ZNF444: variants seen among roughly 807,000 people sequenced by gnomAD.
The protein encoded by ZNF444 is endothelial zinc finger protein 2.
A neutral mutation model predicts 14.4 loss-of-function variants in ZNF444; 8 were observed. The ratio of observed to expected loss-of-function variants is 0.56; its 90% CI spans 0.33 to 1.00. The LOEUF is 1.00. Among genes scored for constraint, ZNF444 ranks in the 50% least tolerant of loss-of-function variants. The pLI is 0.03. For missense variants in ZNF444, 510 were observed against 504.8 expected (o/e 1.01, Z -0.10); for synonymous variants, 258 against 235.9 (o/e 1.09, Z -0.86).
At position 56,147,466 on chromosome 19, in the gene ZNF444, C is replaced by A. The variant is rs915681474; in HGVS notation, c.297+258C>A. On this transcript the variant is annotated intron_variant, in intron 3 of 4. Coordinates refer to ENST00000337080, the MANE Select transcript of ZNF444 (RefSeq NM_018337.4). This position sits in a 1 kb window ranked among gnomAD's most constrained non-coding sequence, Gnocchi z 5.9. ...TCTCTAGGACTCACAGCCGTGTTCACGGTCACGGCTTATCAGAGAAGGACG... is the reference window on the plus strand; with the variant it reads ...TCTCTAGGACTCACAGCCGTGTTCAAGGTCACGGCTTATCAGAGAAGGACG... Among the ~76,000 whole-genome samples, 2 of 152,278 alleles carry A rather than the reference C, an allele frequency of 1.3e-5. No individual in the cohort carries two copies. Among genetic ancestry groups the A allele is most frequent in the Admixed American group, 1.3e-4 (2 of 15,298 alleles).
At position 56,160,168 on chromosome 19, in the gene ZNF444, T is replaced by C; in HGVS notation, c.951T>C (p.Gly317=). 6.8e-7 allele frequency: 1 copy of C among 1,476,198 alleles called. No individual in the cohort carries two copies. The highest frequency in any genetic ancestry group is 2.8e-5 in the East Asian group (1 of 35,726). 91.4% of individuals were successfully genotyped at this position (1,476,198 alleles called of 1,614,324 possible). The change falls in exon 5 of 5, where the codon GGT becomes GGC. Residue 317 remains glycine (G), a synonymous_variant. Coordinates refer to ENST00000337080, the MANE Select transcript of ZNF444 (RefSeq NM_018337.4). ...GGGCGGTAGCTCCGGGCCCGGATGGTGGAGGCCCCTTCCCGCCCTGGCCCT... is the reference window on the plus strand; with the variant it reads ...GGGCGGTAGCTCCGGGCCCGGATGGCGGAGGCCCCTTCCCGCCCTGGCCCT... ...AQGAVAPGPD[G]GGPFPPWPLG
intron 3 of ZNF444, among the ~76,000 whole-genome samples, chr19:56,148,687 G>A (rs149046741): frequency 6.6e-5 from 10 of 152,188 alleles, no homozygotes; most frequent in African/African-American, 1.9e-4. Context: ...CCCTCCTTCC[G>A]GGTCATTGTT....
chr19:56,159,919 C>A lies in ZNF444; in HGVS notation c.702C>A (p.Gly234=). The A allele has an allele frequency of 6.8e-7, 1 of 1,467,226 alleles. No individual in the cohort carries two copies. Among genetic ancestry groups the A allele is most frequent in the Non-Finnish European group, 9.1e-7 (1 of 1,103,400 alleles). 90.9% of individuals were successfully genotyped at this position (1,467,226 alleles called of 1,614,324 possible). The change falls in exon 5 of 5, where the codon GGC becomes GGA. Residue 234 remains glycine (G), a synonymous_variant. Transcript: ENST00000337080. ...GCGACACGCACCCCGGCAGCCCCGG[C>A]AGCCCCGGGCCCGCGCTGCGCCCTC... ...RHRDTHPGSP[G]SPGPALRPLP... is the part of the protein sequence containing the mutation.
intron 3 of ZNF444, chr19:56,154,521 C>CT (rs1369515111): frequency 6.6e-5 from 10 of 152,190 alleles, no homozygotes; most frequent in African/African-American, 2.4e-4. Flanking sequence ...CCAGGCTGGT[C>CT]CCTTTTACAC....
At chr19:56,146,826 G>A in intron 2 of ZNF444, 64 bp from the exon 3 acceptor site, 1 of 1,201,322 alleles carries the variant, frequency 8.3e-7, no homozygotes, top group South Asian at 2.3e-5. Context: ...TGGTCCCATT[G>A]TGAGTCTGGG....
chr19:56,135,135 G>A (rs934029502), intron 1 of ZNF444, among the ~76,000 whole-genome samples: 3 of 152,162 alleles, frequency 2.0e-5, no homozygotes, highest in African/African-American at 7.2e-5. Context: ...GGAGGCTGAG[G>A]CAGGAGAATG....
upstream of ZNF444, among the ~76,000 whole-genome samples, chr19:56,138,292 C>T (rs551753942): frequency 4.6e-5 from 7 of 152,110 alleles, no homozygotes; most frequent in East Asian, 1.2e-3. Context: ...AAAACAAATA[C>T]GGTATGATTC....
At chr19:56,153,112 G>C (rs954143614) in intron 3 of ZNF444, among the ~76,000 whole-genome samples, 1 of 152,120 alleles carries the variant, frequency 6.6e-6, no homozygotes, top group Non-Finnish European at 1.5e-5. Context: ...CAATAAGAGA[G>C]AGCCCGTCAT....
rs545531147 is a variant in ZNF444 at position 56,145,672 on chromosome 19, G to A, written c.-196-575G>A. On this transcript the variant is annotated intron_variant, in intron 1 of 4. Transcript: ENST00000337080. This position sits in a 1 kb window ranked among gnomAD's most constrained non-coding sequence, Gnocchi z 4.3. ...CCATGGGAGGACACAAAAGGAGGCCGTCGGCAGCCTGGAAGAGGTGCTCAC... is the reference window on the plus strand; with the variant it reads ...CCATGGGAGGACACAAAAGGAGGCCATCGGCAGCCTGGAAGAGGTGCTCAC... Among the ~76,000 whole-genome samples the A allele has an allele frequency of 9.6e-4, 146 of 152,288 alleles. No homozygotes were observed. The highest frequency in any genetic ancestry group is 3.4e-3 in the African/African-American group (140 of 41,562).
At chr19:56,158,683 AC>A in intron 4 of ZNF444, 81 bp downstream of exon 4, 1 of 1,279,756 alleles carries the variant, frequency 7.8e-7, no homozygotes, top group Non-Finnish European at 1.1e-6. Flanking sequence ...TGGCACCAGG[AC>A]CCAGGACAAG....
upstream of ZNF444, among the ~76,000 whole-genome samples, chr19:56,137,939 T>C (rs969176156): frequency 1.3e-5 from 2 of 151,930 alleles, no homozygotes; most frequent in Admixed American, 1.3e-4. Flanking sequence ...CTGGCCAACA[T>C]GGTGAAACCC....
At position 56,160,323 on chromosome 19, in the gene ZNF444, G is replaced by T. The variant is rs10407167; in HGVS notation, c.*122G>T. On this transcript the variant is annotated 3_prime_UTR_variant, in exon 5 of 5. Coordinates refer to ENST00000337080, the MANE Select transcript of ZNF444 (RefSeq NM_018337.4). ...CCTCCCATCGTCCTCCTCCACCTGC[G>T]CCTCCCTTGTCTGAACTTCCCAACG... 23 of 775,198 alleles carry T rather than the reference G, an allele frequency of 3.0e-5. No individual in the cohort carries two copies. Among genetic ancestry groups the T allele is most frequent in the Non-Finnish European group, 4.1e-5 (22 of 532,302 alleles). 48.0% of individuals were successfully genotyped at this position (775,198 alleles called of 1,614,324 possible). A position where few individuals can be genotyped will look rare whatever the true frequency, so the allele number is the denominator to read the frequency against.
chr19:56,137,259 T>C (rs1281608015), upstream of ZNF444, among the ~76,000 whole-genome samples: 1 of 150,402 alleles, frequency 6.6e-6, no homozygotes. Context: ...TTACCTGAGG[T>C]CAGGAGTTTG....
intron 3 of ZNF444, among the ~76,000 whole-genome samples, chr19:56,149,470 G>A (rs548396647): frequency 6.6e-6 from 1 of 151,770 alleles, no homozygotes; most frequent in South Asian, 2.1e-4. Context: ...AGGTCCTGTG[G>A]TCACTTATTT....
Position 56,160,294 on chromosome 19 carries a change from C to T in ZNF444, c.*93C>T. 5.7e-6 allele frequency: 6 copies of T among 1,053,708 alleles called. No individual in the cohort carries two copies. Among genetic ancestry groups the T allele is most frequent in the Non-Finnish European group, 6.4e-6 (5 of 784,292 alleles). The allele number at this position is 1,053,708 out of a possible 1,614,324, so 65.3% of individuals were successfully genotyped here. A position where few individuals can be genotyped will look rare whatever the true frequency, so the allele number is the denominator to read the frequency against. On this transcript the variant is annotated 3_prime_UTR_variant, in exon 5 of 5. Coordinates refer to ENST00000337080, the MANE Select transcript of ZNF444 (RefSeq NM_018337.4). ...CGCCACTTGGCCTCTTCCTCTCCTC[C>T]TTCCCTCCCATCGTCCTCCTCCACC...
intron 3 of ZNF444, among the ~76,000 whole-genome samples, chr19:56,154,083 T>C (rs1452341890): frequency 6.6e-6 from 1 of 152,188 alleles, no homozygotes; most frequent in Non-Finnish European, 1.5e-5. Flanking sequence ...GAACACCGTG[T>C]TCAACGTACA....
chr19:56,160,246 G>T lies in ZNF444; in HGVS notation c.*45G>T, dbSNP rs981895600. ...ATCTCCCGCCCTTGGTGCTGCCCCC[G>T]GGCGGTACCTGCTCTCTCCCAGCGC... On this transcript the variant is annotated 3_prime_UTR_variant, in exon 5 of 5. Transcript: ENST00000337080. The T allele has an allele frequency of 2.2e-6, 3 of 1,380,420 alleles. No individual in the cohort carries two copies. Among genetic ancestry groups the T allele is most frequent in the Non-Finnish European group, 2.8e-6 (3 of 1,072,048 alleles). The allele number at this position is 1,380,420 out of a possible 1,614,324, so 85.5% of individuals were successfully genotyped here.
At chr19:56,153,137 G>C (rs972919362) in intron 3 of ZNF444, among the ~76,000 whole-genome samples, 4 of 152,140 alleles carry the variant, frequency 2.6e-5, no homozygotes, top group Non-Finnish European at 2.9e-5. Flanking sequence ...GAGGGGGCAG[G>C]CTCTTCCATT....
chr19:56,137,467 C>A (rs28523353), upstream of ZNF444, among the ~76,000 whole-genome samples: 2,563 of 150,400 alleles, frequency 0.017, 76 homozygotes, highest in African/African-American at 0.059. Context: ...GAGACTCAGC[C>A]TCAAAAAAGA....
Sources: gnomAD v4.1 joint callset for allele counts (sites outside exome capture counted in the v4.1 genomes callset) on GRCh38, gnomAD v4.1.1 for gene constraint, Gnocchi (gnomAD v3.1) non-coding constraint, MANE v1.5 for transcripts, NCBI Gene and HGNC (gene_info 2026-07-23, HGNC 2026-07-21) for gene names.